The following XKR6 variants were observed in gnomAD, a reference collection of about 807,000 sequenced individuals.
XKR6 encodes the protein XK-related protein 6.
XKR6 carries 22 observed loss-of-function variants against 56.7 expected under a neutral mutation model. The ratio of observed to expected loss-of-function variants is 0.39; its 90% CI spans 0.28 to 0.55. XKR6 has a LOEUF of 0.55. XKR6 is among the 20% of genes least tolerant of loss of function. The pLI is 0.66. For missense variants in XKR6, 852 were observed against 889.0 expected (o/e 0.96, Z 0.53); for synonymous variants, 524 against 387.8 (o/e 1.35, Z -4.13).
chr8:10,973,541 G>A (rs926522989), intron 1 of XKR6, among the ~76,000 whole-genome samples: 7 of 152,144 alleles, frequency 4.6e-5, no homozygotes, highest in Non-Finnish European at 5.9e-5. Flanking sequence ...CAGGGAAAGC[G>A]TAAGGCTACT....
intron 2 of XKR6, among the ~76,000 whole-genome samples, chr8:10,907,949 C>A (rs1356323528): frequency 1.3e-5 from 2 of 152,244 alleles, no homozygotes; most frequent in Non-Finnish European, 2.9e-5. Flanking sequence ...CTCCTCCCAA[C>A]ACTCTATCCA....
intron 1 of XKR6, among the ~76,000 whole-genome samples, chr8:11,015,357 C>A (rs1225164183): frequency 2.0e-5 from 3 of 151,584 alleles, no homozygotes; most frequent in Non-Finnish European, 4.4e-5. Flanking sequence ...TTTTTCGGTC[C>A]AGATTTTTGA....
Position 10,945,946 on chromosome 8 carries a change from T to C in XKR6, c.765-21116A>G, listed in dbSNP as rs552967925. On this transcript the variant is annotated intron_variant, in intron 1 of 2. Transcript: ENST00000416569. ...GCCTAAGTCCCCAGCCCGGAGTGAATATGGGGACTATATTTGATTCCTCTC... is the reference window on the plus strand; with the variant it reads ...GCCTAAGTCCCCAGCCCGGAGTGAACATGGGGACTATATTTGATTCCTCTC... 2.1e-3 allele frequency among the ~76,000 whole-genome samples: 313 copies of C among 152,164 alleles called. 2 individuals are homozygous for C. Among genetic ancestry groups the C allele is most frequent in the African/African-American group, 6.7e-3 (280 of 41,524 alleles).
intron 1 of XKR6, among the ~76,000 whole-genome samples, chr8:11,152,028 T>C (rs1379857966): frequency 2.6e-5 from 4 of 152,174 alleles, no homozygotes; most frequent in Non-Finnish European, 5.9e-5. Context: ...ACCAAACTTA[T>C]TAACAAATTA....
intron 1 of XKR6, among the ~76,000 whole-genome samples, chr8:10,952,907 G>C (rs537143214): frequency 6.6e-6 from 1 of 152,308 alleles, no homozygotes; most frequent in Non-Finnish European, 1.5e-5. Flanking sequence ...CCTCCTGCCA[G>C]ATCAGTGGCG....
chr8:10,921,311 C>T (rs1303760009), intron 2 of XKR6, among the ~76,000 whole-genome samples: 2 of 152,238 alleles, frequency 1.3e-5, no homozygotes, highest in African/African-American at 2.4e-5. Flanking sequence ...GAGAAATCTC[C>T]CTAGGACCTG....
intron 1 of XKR6, among the ~76,000 whole-genome samples, chr8:11,017,413 C>T (rs1798650910): frequency 6.6e-6 from 1 of 152,270 alleles, no homozygotes; most frequent in Non-Finnish European, 1.5e-5. Context: ...ATCCCTGGAA[C>T]TAACCACAAC....
chr8:11,186,509 T>C (rs2117108890), intron 1 of XKR6, among the ~76,000 whole-genome samples: 1 of 152,280 alleles, frequency 6.6e-6, no homozygotes, highest in South Asian at 2.1e-4. Flanking sequence ...CCCAACTAGC[T>C]GGGAACCACA....
chr8:11,059,481 A>C (rs954193576), intron 1 of XKR6, among the ~76,000 whole-genome samples: 1 of 152,070 alleles, frequency 6.6e-6, no homozygotes, highest in South Asian at 2.1e-4. Context: ...CCCGCCCGAC[A>C]GGCAGCTGCG....
intron 1 of XKR6, among the ~76,000 whole-genome samples, chr8:10,925,553 G>C (rs1245529243): frequency 1.3e-5 from 2 of 152,208 alleles, no homozygotes; most frequent in Admixed American, 1.3e-4. Context: ...CGCCCTCTCA[G>C]GACCACTCCC....
chr8:11,181,969 C>G (rs558620564), intron 1 of XKR6, among the ~76,000 whole-genome samples: 7 of 152,316 alleles, frequency 4.6e-5, no homozygotes, highest in Non-Finnish European at 1.0e-4. Context: ...ACTCCCATCT[C>G]AGTCTCAGTA....
chr8:11,078,286 G>C (rs1800326602), intron 1 of XKR6, among the ~76,000 whole-genome samples: 1 of 152,146 alleles, frequency 6.6e-6, no homozygotes, highest in African/African-American at 2.4e-5. Context: ...ACTTCAATTG[G>C]CACCATGAGT....
intron 1 of XKR6, among the ~76,000 whole-genome samples, chr8:10,965,584 C>T (rs1413385853): frequency 6.6e-6 from 1 of 152,208 alleles, no homozygotes; most frequent in East Asian, 1.9e-4. Flanking sequence ...GACGGGCTCC[C>T]GATTCCCCTC....
chr8:10,949,920 G>A (rs1801667321), intron 1 of XKR6, among the ~76,000 whole-genome samples: 2 of 152,140 alleles, frequency 1.3e-5, no homozygotes, highest in Admixed American at 6.5e-5. Context: ...TCTTGACTCA[G>A]GGGTCTGCAG....
intron 1 of XKR6, among the ~76,000 whole-genome samples, chr8:11,082,063 G>A (rs1030088700): frequency 2.6e-5 from 4 of 152,192 alleles, no homozygotes; most frequent in African/African-American, 4.8e-5. Flanking sequence ...AGACCAGGCT[G>A]GTGTAGGCTT....
chr8:11,054,543 C>CACCTGGCA (rs996330216), intron 1 of XKR6, among the ~76,000 whole-genome samples: 6 of 152,202 alleles, frequency 3.9e-5, no homozygotes, highest in African/African-American at 1.4e-4. Flanking sequence ...TACATAAATC[C>CACCTGGCA]ACCTGGCAAT....
chr8:10,967,698 G>A (rs1025606736), intron 1 of XKR6, among the ~76,000 whole-genome samples: 10 of 152,216 alleles, frequency 6.6e-5, no homozygotes, highest in African/African-American at 1.9e-4. Context: ...GCAACTTGCC[G>A]GTGCCAGCCT....
At chr8:11,123,416 C>A (rs1463648961) in intron 1 of XKR6, 2 of 155,696 alleles carry the variant, frequency 1.3e-5, no homozygotes, top group African/African-American at 4.8e-5. Flanking sequence ...ATACTGTAAT[C>A]CAGAAATCTG....
At chr8:11,005,692 G>T (rs531932753) in intron 1 of XKR6, among the ~76,000 whole-genome samples, 1 of 152,060 alleles carries the variant, frequency 6.6e-6, no homozygotes, top group African/African-American at 2.4e-5. Flanking sequence ...ATATGAATTT[G>T]CTAGCAAAAA....
Sources: gnomAD v4.1 joint callset for allele counts (sites outside exome capture counted in the v4.1 genomes callset) on GRCh38, gnomAD v4.1.1 for gene constraint, MANE v1.5 for transcripts, NCBI Gene and HGNC (gene_info 2026-07-23, HGNC 2026-07-21) for gene names.